The following PNPLA7 variants were observed in gnomAD, a reference collection of about 807,000 sequenced individuals.
PNPLA7 encodes patatin like domain 7, lysophospholipase, also known as patatin-like phospholipase domain-containing protein 7.
PNPLA7 carries 153 observed loss-of-function variants against 161.7 expected under a neutral mutation model. The observed-to-expected ratio is 0.95, with a 90% CI of 0.83 to 1.08. PNPLA7 has a LOEUF of 1.08. PNPLA7 is among the 50% of genes least tolerant of loss of function. The pLI, the probability that PNPLA7 is intolerant of heterozygous loss-of-function variation, is 0.00. For synonymous variants in PNPLA7, 809 were observed against 782.1 expected, an observed-to-expected ratio of 1.03 and a Z score of -0.57; for missense variants, 1,739 against 1,856.6, an observed-to-expected ratio of 0.94 and a Z score of 1.16.
chr9:137,543,522 G>T lies in PNPLA7; in HGVS notation c.416C>A (p.Pro139Gln), dbSNP rs746262568. ...EYPALQPKEP[P>Q]PSLLEADLTE... is the part of the protein sequence containing the mutation. ...GAGGTCGGCCTCCAGCAGGGAGGGC[G>T]GGGGCTCCTTGGGCTGCAGGGCCGG... is the stretch of plus-strand genomic sequence containing the variant. Residue 139 changes from proline (P) to glutamine (Q), a missense_variant, in exon 6 of 35, where the codon CCG (proline) becomes CAG (glutamine). Physicochemically the swap from Pro to Gln is moderately conservative, Grantham distance 76. Transcript: ENST00000406427. This position sits in a 1 kb window ranked among gnomAD's most constrained non-coding sequence, Gnocchi z 6.9. The T allele has an allele frequency of 1.2e-6, 2 of 1,613,760 alleles. No homozygotes were observed. Among genetic ancestry groups the T allele is most frequent in the African/African-American group, 2.7e-5 (2 of 74,928 alleles).
Position 137,547,487 on chromosome 9 carries a change from C to G in PNPLA7, c.106-91G>C, listed in dbSNP as rs1331882963. ...GCCCCCACCCCTGGCTGCCCAACCA[C>G]AGGCTGGGCAGGAATGAGCCAGGGG... On this transcript the variant is annotated intron_variant, in intron 2 of 34. Transcript: ENST00000406427. The surrounding 1 kb of genome is among the most constrained non-coding windows in gnomAD (Gnocchi z 4.6). 1 of 1,585,724 alleles carries G rather than the reference C, an allele frequency of 6.3e-7. No individual in the cohort carries two copies. The highest frequency in any genetic ancestry group is 8.7e-7 in the Non-Finnish European group (1 of 1,155,396).
rs1831531729 is a variant in PNPLA7, at chr9:137,467,483, C to G, written c.2883-10G>C. 1.2e-6 allele frequency: 2 copies of G among 1,611,958 alleles called. No individual in the cohort carries two copies. The highest frequency in any genetic ancestry group is 2.7e-5 in the African/African-American group (2 of 74,938). On this transcript the variant is annotated splice_polypyrimidine_tract_variant and intron_variant, in intron 25 of 34. Coordinates refer to ENST00000406427, the MANE Select transcript of PNPLA7 (RefSeq NM_001098537.3). The surrounding 1 kb of genome is among the most constrained non-coding windows in gnomAD (Gnocchi z 5.1). ...CACCTGGGCACAGCCTCTACACCAG[C>G]CAGGGACACAGAGCAAGGAGTGAGT...
rs1025316314 is a variant in PNPLA7, at chr9:137,524,171, T to C, written c.748-1314A>G. Among the ~76,000 whole-genome samples, 2 of 151,996 alleles carry C rather than the reference T, an allele frequency of 1.3e-5. No homozygotes were observed. Among genetic ancestry groups the C allele is most frequent in the Non-Finnish European group, 2.9e-5 (2 of 67,876 alleles). ...GTCTTCTGTCCCAGTGGTTGTGCCT[T>C]TGTCAAAATGTCACATAAATGGAGG... On this transcript the variant is annotated intron_variant, in intron 8 of 34. Transcript: ENST00000406427. This position sits in a 1 kb window ranked among gnomAD's most constrained non-coding sequence, Gnocchi z 4.4.
chr9:137,522,209 G>A (rs1450259836), intron 9 of PNPLA7, among the ~76,000 whole-genome samples: 3 of 152,182 alleles, frequency 2.0e-5, no homozygotes, highest in Non-Finnish European at 2.9e-5. Flanking sequence ...CGAGTAGCTG[G>A]GACTACAGGC....
In PNPLA7 at chr9:137,500,074, C is replaced by T. The variant is rs911746350; in HGVS notation, c.1757+617G>A. On this transcript the variant is annotated intron_variant, in intron 16 of 34. Transcript: ENST00000406427. The surrounding 1 kb of genome is among the most constrained non-coding windows in gnomAD (Gnocchi z 5.5). ...GGCGGCTCTGCCAGGCAGCCACAGGCGGGCCGAGGGCAGCTCTGGGCCTGG... is the reference window on the plus strand; with the variant it reads ...GGCGGCTCTGCCAGGCAGCCACAGGTGGGCCGAGGGCAGCTCTGGGCCTGG... Among the ~76,000 whole-genome samples, 4 of 152,338 alleles carry T rather than the reference C, an allele frequency of 2.6e-5. No homozygotes were observed. The highest frequency in any genetic ancestry group is 2.9e-5 in the Non-Finnish European group (2 of 68,024).
chr9:137,476,655 T>A lies in PNPLA7; in HGVS notation c.2882+1379A>T, dbSNP rs1189249692. Among the ~76,000 whole-genome samples, 3 of 152,178 alleles carry A rather than the reference T, an allele frequency of 2.0e-5. No individual in the cohort carries two copies. The highest frequency in any genetic ancestry group is 4.4e-5 in the Non-Finnish European group (3 of 68,022). On this transcript the variant is annotated intron_variant, in intron 25 of 34. Coordinates refer to ENST00000406427, the MANE Select transcript of PNPLA7 (RefSeq NM_001098537.3). This position sits in a 1 kb window ranked among gnomAD's most constrained non-coding sequence, Gnocchi z 4.5. Reference sequence around the variant, plus strand: ...AGGCAAAGGACTGCAGTTACGTGCCTTACAGAACCGTATGGCTTCTAAGTA... The same window carrying A: ...AGGCAAAGGACTGCAGTTACGTGCCATACAGAACCGTATGGCTTCTAAGTA...
At chr9:137,529,520 A>G (rs1835467674) in intron 8 of PNPLA7, among the ~76,000 whole-genome samples, 1 of 152,190 alleles carries the variant, frequency 6.6e-6, no homozygotes, top group African/African-American at 2.4e-5. Context: ...GGTTGGGTTC[A>G]GACCACAAGT....
chr9:137,518,001 C>T (rs1207347049), intron 11 of PNPLA7, among the ~76,000 whole-genome samples: 9 of 98,960 alleles, frequency 9.1e-5, no homozygotes, highest in African/African-American at 1.4e-4. Flanking sequence ...CTCCACTCTG[C>T]TCACTCCATC....
chr9:137,463,227 G>A, intron 29 of PNPLA7, 188 bp downstream of exon 29: 1 of 611,970 alleles, frequency 1.6e-6, no homozygotes, highest in Non-Finnish European at 2.9e-6. Flanking sequence ...GTGCCTGCGT[G>A]TGCATGTACA....
At chr9:137,538,863 C>T (rs1448161411) in intron 8 of PNPLA7, among the ~76,000 whole-genome samples, 1 of 152,010 alleles carries the variant, frequency 6.6e-6, no homozygotes, top group East Asian at 1.9e-4. Context: ...ACCAGCCTGG[C>T]CAACATGGTG....
chr9:137,493,419 C>A (rs571694752), intron 19 of PNPLA7, among the ~76,000 whole-genome samples: 3 of 152,234 alleles, frequency 2.0e-5, no homozygotes, highest in South Asian at 2.1e-4. Context: ...AAGCCACCCA[C>A]GACCCTGAAG....
chr9:137,467,822 C>T lies in PNPLA7; in HGVS notation c.2883-349G>A, dbSNP rs1277191354. ...CTGAGGCAGGAGAATCACCTGAACC[C>T]AGGAGACAGAGGTTGCAGTGAGCTG... On this transcript the variant is annotated intron_variant, in intron 25 of 34. Transcript: ENST00000406427. The surrounding 1 kb of genome is among the most constrained non-coding windows in gnomAD (Gnocchi z 5.1). Among the ~76,000 whole-genome samples, 2 of 152,174 alleles carry T rather than the reference C, an allele frequency of 1.3e-5. No homozygotes were observed. Among genetic ancestry groups the T allele is most frequent in the African/African-American group, 2.4e-5 (1 of 41,436 alleles).
chr9:137,502,787 A>AG (rs1014126424), intron 14 of PNPLA7, among the ~76,000 whole-genome samples: 2 of 55,406 alleles, frequency 3.6e-5, no homozygotes. Flanking sequence ...GCCGCTGGAC[A>AG]GGGGGGCACT....
rs1316097677 is a variant in PNPLA7 at position 137,523,782 on chromosome 9, A to G, written c.748-925T>C. On this transcript the variant is annotated intron_variant, in intron 8 of 34. Coordinates refer to ENST00000406427, the MANE Select transcript of PNPLA7 (RefSeq NM_001098537.3). This position sits in a 1 kb window ranked among gnomAD's most constrained non-coding sequence, Gnocchi z 4.4. ...GCTGGGGCTACAAGCGCCCGCCACC[A>G]CGCCCGGCTAATTTGTTTTTTGAAT... Among the ~76,000 whole-genome samples, 1 of 152,000 alleles carries G rather than the reference A, an allele frequency of 6.6e-6. No individual in the cohort carries two copies. Among genetic ancestry groups the G allele is most frequent in the Non-Finnish European group, 1.5e-5 (1 of 67,992 alleles).
At chr9:137,528,992 G>A (rs952369925) in intron 8 of PNPLA7, among the ~76,000 whole-genome samples, 16 of 152,202 alleles carry the variant, frequency 1.1e-4, no homozygotes, top group African/African-American at 2.2e-4. Context: ...GAGCCACCGC[G>A]CCCGGCCTTT....
chr9:137,493,705 T>C (rs986299645), intron 19 of PNPLA7, among the ~76,000 whole-genome samples: 38 of 152,002 alleles, frequency 2.5e-4, no homozygotes, highest in African/African-American at 8.2e-4. Context: ...CTCTAAAGGG[T>C]GGGCCAGGGC....
At chr9:137,488,455 G>C (rs966789770) in intron 20 of PNPLA7, among the ~76,000 whole-genome samples, 4 of 152,196 alleles carry the variant, frequency 2.6e-5, no homozygotes, top group African/African-American at 7.2e-5. Flanking sequence ...AGGTGGAGCA[G>C]ACACAGGCCA....
intron 8 of PNPLA7, among the ~76,000 whole-genome samples, chr9:137,525,484 G>A (rs1376528282): frequency 2.6e-5 from 4 of 152,322 alleles, no homozygotes; most frequent in East Asian, 3.9e-4. Context: ...GTAAGGTCAC[G>A]TGAGTCACGT....
At chr9:137,474,659 G>C (rs1403627276) in intron 25 of PNPLA7, among the ~76,000 whole-genome samples, 1 of 152,042 alleles carries the variant, frequency 6.6e-6, no homozygotes, top group Non-Finnish European at 1.5e-5. Context: ...TGAAGAATAG[G>C]GGAGAGAAAA....
Sources: gnomAD v4.1 joint callset for allele counts (sites outside exome capture counted in the v4.1 genomes callset) on GRCh38, gnomAD v4.1.1 for gene constraint, Gnocchi (gnomAD v3.1) non-coding constraint, MANE v1.5 for transcripts, NCBI Gene and HGNC (gene_info 2026-07-23, HGNC 2026-07-21) for gene names.